Variants in CEP164 observed in about 807,000 individuals in gnomAD.
CEP164 encodes the protein centrosomal protein of 164 kDa.
Under a neutral mutation model 182.7 loss-of-function variants are expected in CEP164, and 162 were observed. The observed-to-expected ratio is 0.89, with a 90% CI of 0.78 to 1.01. The LOEUF is 1.01. Among genes scored for constraint, CEP164 ranks in the 50% least tolerant of loss-of-function variants. The probability of loss-of-function intolerance (pLI) is 0.00; values close to 1 mark genes in which losing one functional copy is unlikely to be tolerated. For missense variants in CEP164, 1,735 were observed against 1,790.4 expected (o/e 0.97, Z 0.56); for synonymous variants, 661 against 690.0 (o/e 0.96, Z 0.66).
Position 117,361,909 on chromosome 11 carries a change from C to T in CEP164, c.468C>T (p.Thr156=), listed in dbSNP as rs771340026. ...GLAPLRGLVD[T]PPSALRGSQS... ...CTCCTTTACGAGGTCTTGTGGATACCCCACCCTCTGCTCTTCGTGGATCTC... is the reference window on the plus strand; with the variant it reads ...CTCCTTTACGAGGTCTTGTGGATACTCCACCCTCTGCTCTTCGTGGATCTC... The change falls in exon 6 of 33, where the codon ACC becomes ACT. Residue 156 remains threonine (T), a synonymous_variant. Transcript: ENST00000278935. 4 of 1,613,072 alleles carry T rather than the reference C, an allele frequency of 2.5e-6. No homozygotes were observed. Among genetic ancestry groups the T allele is most frequent in the Non-Finnish European group, 3.4e-6 (4 of 1,179,772 alleles).
chr11:117,381,362 C>T (rs74848654), intron 12 of CEP164, among the ~76,000 whole-genome samples: 145 of 152,256 alleles, frequency 9.5e-4, no homozygotes, highest in African/African-American at 3.2e-3. Flanking sequence ...CCACTTAGTT[C>T]TTCCACCCCT....
At chr11:117,356,052 C>T in intron 5 of CEP164, 1 of 1,120,798 alleles carries the variant, frequency 8.9e-7, no homozygotes, top group Non-Finnish European at 1.1e-6. Context: ...CTGGGCTCTC[C>T]TGTCCTGGAT....
At chr11:117,364,527 T>A (rs1258067335) in intron 8 of CEP164, among the ~76,000 whole-genome samples, 3 of 151,920 alleles carry the variant, frequency 2.0e-5, no homozygotes, top group Non-Finnish European at 4.4e-5. Context: ...ACTTGAGACC[T>A]GAGTTGTGGG....
intron 12 of CEP164, among the ~76,000 whole-genome samples, chr11:117,381,027 T>A (rs1477645903): frequency 2.0e-5 from 3 of 152,104 alleles, no homozygotes; most frequent in African/African-American, 7.2e-5. Context: ...CTGATGAAGC[T>A]GTGTGTGTGC....
At chr11:117,388,485 C>T (rs1450645293) in intron 15 of CEP164, among the ~76,000 whole-genome samples, 1 of 152,220 alleles carries the variant, frequency 6.6e-6, no homozygotes, top group Non-Finnish European at 1.5e-5. Flanking sequence ...TATGCCCAAG[C>T]CTTTCTGAGG....
rs375096842 is a variant in CEP164 at position 117,394,328 on chromosome 11, G to A, written c.2617-22G>A. ...GAAGGGGCTGCCGCAGCTTCCCACCGGTGGGCCCACCCTCCTTGCAGGAGA... is the reference window on the plus strand; with the variant it reads ...GAAGGGGCTGCCGCAGCTTCCCACCAGTGGGCCCACCCTCCTTGCAGGAGA... On this transcript the variant is annotated intron_variant, in intron 20 of 32. Coordinates refer to ENST00000278935, the MANE Select transcript of CEP164 (RefSeq NM_014956.5). The surrounding 1 kb of genome is among the most constrained non-coding windows in gnomAD (Gnocchi z 4.0). The A allele has an allele frequency of 2.1e-4, 337 of 1,577,230 alleles. No homozygotes were observed. Among genetic ancestry groups the A allele is most frequent in the African/African-American group, 5.0e-4 (37 of 74,520 alleles).
chr11:117,382,338 C>T (rs546636727), intron 13 of CEP164, among the ~76,000 whole-genome samples: 10 of 152,278 alleles, frequency 6.6e-5, no homozygotes, highest in African/African-American at 2.4e-4. Flanking sequence ...GTTATGTGCT[C>T]GGCCCAGGGA....
intron 5 of CEP164, among the ~76,000 whole-genome samples, chr11:117,357,948 G>A (rs558854): frequency 0.22 from 32,960 of 152,066 alleles, 3,732 homozygotes; most frequent in African/African-American, 0.27. Flanking sequence ...TCCCTTTAAA[G>A]AGTCACTATA....
Position 117,395,736 on chromosome 11 carries a change from C to T in CEP164, c.3089+14C>T. 6.3e-7 allele frequency: 1 copy of T among 1,599,724 alleles called. No homozygotes were observed. The highest frequency in any genetic ancestry group is 1.3e-5 in the African/African-American group (1 of 74,814). ...GAAACACTTCAGGTGGCGTGGGCACCCTGCACTTAGCCCTGCTGGCTGCCT... is the reference window on the plus strand; with the variant it reads ...GAAACACTTCAGGTGGCGTGGGCACTCTGCACTTAGCCCTGCTGGCTGCCT... On this transcript the variant is annotated intron_variant, in intron 24 of 32. Coordinates refer to ENST00000278935, the MANE Select transcript of CEP164 (RefSeq NM_014956.5).
rs75301270 is a variant in CEP164, at chr11:117,351,932, A to G, written c.337A>G (p.Lys113Glu). ...LSTSGAIKKK[K>E]KKKEKKDKKD... ...AACTTCTGGGGCCATTAAGAAGAAGAAAAAAAAAAAGGAAAAGAAAGACAA... is the reference window on the plus strand; with the variant it reads ...AACTTCTGGGGCCATTAAGAAGAAGGAAAAAAAAAAGGAAAAGAAAGACAA... The change falls in exon 5 of 33, where the codon AAA (lysine) becomes GAA (glutamate). Residue 113 changes from lysine (K) to glutamate (E), a missense_variant. Coordinates refer to ENST00000278935, the MANE Select transcript of CEP164 (RefSeq NM_014956.5). The G allele has an allele frequency of 1.6e-4, 156 of 958,488 alleles. No homozygotes were observed. The highest frequency in any genetic ancestry group is 2.2e-4 in the Non-Finnish European group (153 of 680,340). The allele number at this position is 958,488 out of a possible 1,614,324, so 59.4% of individuals were successfully genotyped here.
At chr11:117,376,606 G>T (rs1161878152) in intron 11 of CEP164, among the ~76,000 whole-genome samples, 1 of 148,056 alleles carries the variant, frequency 6.8e-6, no homozygotes, top group Non-Finnish European at 1.5e-5. Flanking sequence ...CAGCCTTGGA[G>T]CCTTTAGTGA....
At chr11:117,403,209 T>G (rs1317457112) in intron 27 of CEP164, among the ~76,000 whole-genome samples, 1 of 152,232 alleles carries the variant, frequency 6.6e-6, no homozygotes, top group Admixed American at 6.5e-5. Flanking sequence ...GATCCTGTCA[T>G]TATGATGCTA....
intron 5 of CEP164, among the ~76,000 whole-genome samples, chr11:117,354,102 C>T (rs553303): frequency 0.22 from 32,807 of 151,436 alleles, 3,718 homozygotes; most frequent in African/African-American, 0.27. Flanking sequence ...CTGCAACCTC[C>T]GCCCCCTGGG....
Position 117,409,161 on chromosome 11 carries a change from T to C in CEP164, c.3748+133T>C. On this transcript the variant is annotated intron_variant, in intron 29 of 32. Transcript: ENST00000278935. The surrounding 1 kb of genome is among the most constrained non-coding windows in gnomAD (Gnocchi z 4.4). ...GTGAGCCGGTGTCTGGACTAGGTGC[T>C]CGGTCAGTGCTGGGAAGGAATCACA... 8.2e-7 allele frequency: 1 copy of C among 1,219,752 alleles called. No homozygotes were observed. The highest frequency in any genetic ancestry group is 1.4e-5 in the South Asian group (1 of 69,790). 75.6% of individuals were successfully genotyped at this position (1,219,752 alleles called of 1,614,324 possible).
chr11:117,388,263 A>C (rs2044180299), intron 15 of CEP164, among the ~76,000 whole-genome samples: 1 of 152,210 alleles, frequency 6.6e-6, no homozygotes, highest in Non-Finnish European at 1.5e-5. Flanking sequence ...CTGACTCCAG[A>C]GGCCCTCTTA....
At position 117,409,807 on chromosome 11, in the gene CEP164, C is replaced by A. The variant is rs1473214945; in HGVS notation, c.3938C>A (p.Thr1313Asn). Reference sequence around the variant, plus strand: ...GACCCTAAGAGCACCCCCACCCCCACCTACTATGGCTCCCTGGCCAGGTTC... The same window carrying A: ...GACCCTAAGAGCACCCCCACCCCCAACTACTATGGCTCCCTGGCCAGGTTC... ...PRDPKSTPTP[T>N]YYGSLARFSA... is the part of the protein sequence containing the mutation. Residue 1313 changes from threonine to asparagine, a missense_variant, in exon 30 of 33, where the codon ACC becomes AAC. Transcript: ENST00000278935. The surrounding 1 kb of genome is among the most constrained non-coding windows in gnomAD (Gnocchi z 4.4). 1.2e-6 allele frequency: 2 copies of A among 1,612,292 alleles called. No homozygotes were observed. Among genetic ancestry groups the A allele is most frequent in the African/African-American group, 2.7e-5 (2 of 74,390 alleles).
At position 117,409,673 on chromosome 11, in the gene CEP164, C is replaced by T. The variant is rs1365974272; in HGVS notation, c.3804C>T (p.Leu1268=). The T allele has an allele frequency of 1.2e-6, 2 of 1,614,140 alleles. No individual in the cohort carries two copies. The highest frequency in any genetic ancestry group is 1.3e-5 in the African/African-American group (1 of 75,050). ...AGATCCACGGGCTTAGCCACTCCCT[C>T]CGGCAGATCAGCAGCCAGCTGAGCA... ...SRKIHGLSHS[L]RQISSQLSSV... Residue 1268 remains leucine, a synonymous_variant, in exon 30 of 33, where the codon CTC becomes CTT. Transcript: ENST00000278935. The surrounding 1 kb of genome is among the most constrained non-coding windows in gnomAD (Gnocchi z 4.4).
At chr11:117,408,591 G>A in intron 28 of CEP164, 1 of 395,842 alleles carries the variant, frequency 2.5e-6, no homozygotes, top group African/African-American at 2.0e-5. Flanking sequence ...TGTGTGATTT[G>A]CTTCGCCCAG....
At position 117,408,995 on chromosome 11, in the gene CEP164, C is replaced by T. The variant is rs1422997013; in HGVS notation, c.3715C>T (p.Pro1239Ser). 1.9e-6 allele frequency: 3 copies of T among 1,614,060 alleles called. No individual in the cohort carries two copies. In the South Asian group the frequency reaches 3.3e-5, roughly 18 times the overall value. ...CAGTGAAAGTTCTGAATCTTTTTCC[C>T]CGCCTCACCGTGAGTGGTGGCGGCA... ...LSSESSESFS[P>S]PHREWWRQQR... is the part of the protein sequence containing the mutation. Residue 1239 changes from proline (P) to serine (S), a missense_variant, in exon 29 of 33, where the codon CCG becomes TCG. Physicochemically the swap from Pro to Ser is moderately conservative, Grantham distance 74. Transcript: ENST00000278935.
Sources: allele counts gnomAD v4.1 joint callset (sites outside exome capture counted in the v4.1 genomes callset), GRCh38; gene constraint gnomAD v4.1.1; non-coding constraint Gnocchi (gnomAD v3.1); transcripts MANE v1.5; gene names NCBI Gene and HGNC (gene_info 2026-07-23, HGNC 2026-07-21).